The following PRR5 variants were observed in gnomAD, a reference collection of about 807,000 sequenced individuals.
PRR5 encodes proline-rich protein 5.
A neutral mutation model predicts 30.6 loss-of-function variants in PRR5; 25 were observed. The ratio of observed to expected loss-of-function variants is 0.82; its 90% CI spans 0.60 to 1.14. PRR5 has a LOEUF of 1.14. Among genes scored for constraint, PRR5 ranks in the 50% most tolerant of loss-of-function variants. The probability of loss-of-function intolerance (pLI) is 0.00; values close to 1 mark genes in which losing one functional copy is unlikely to be tolerated. For synonymous variants in PRR5, 286 were observed against 247.1 expected (o/e 1.16, Z -1.48); for missense variants, 600 against 547.1 (o/e 1.10, Z -0.96).
chr22:44,693,679 AG>A (rs1283897092), intron 1 of PRR5, among the ~76,000 whole-genome samples: 3 of 131,196 alleles, frequency 2.3e-5, no homozygotes, highest in Non-Finnish European at 3.1e-5. Context: ...GCTGGAGTGC[AG>A]GCTCAGTGGC....
chr22:44,693,489 C>T (rs1925464480), intron 1 of PRR5, among the ~76,000 whole-genome samples: 1 of 151,658 alleles, frequency 6.6e-6, no homozygotes, highest in African/African-American at 2.4e-5. Flanking sequence ...GCCAAGAATC[C>T]TTCAGCTTCT....
intron 1 of PRR5, among the ~76,000 whole-genome samples, chr22:44,678,503 TG>T (rs1337949091): frequency 1.3e-5 from 2 of 151,996 alleles, no homozygotes; most frequent in African/African-American, 4.8e-5. Context: ...TTAGTGGAGA[TG>T]GAGTTTCACC....
Position 44,729,613 on chromosome 22 carries a change from T to G in PRR5, c.323-2117T>G, listed in dbSNP as rs552578765. 4.0e-5 allele frequency: 39 copies of G among 985,442 alleles called. No homozygotes were observed. The African/African-American group carries it at 6.6e-4, about 17-fold the overall frequency. 61.0% of individuals were successfully genotyped at this position (985,442 alleles called of 1,614,324 possible). On this transcript the variant is annotated intron_variant, in intron 4 of 7. Coordinates refer to ENST00000336985, the MANE Select transcript of PRR5 (RefSeq NM_181333.4). ...TGCCACTGAGTCCGCCTGGAGGAAC[T>G]TCCTGGGGTCGCCCCATACCTGCCT...
chr22:44,730,861 C>T (rs1250557986), intron 4 of PRR5: 1 of 449,738 alleles, frequency 2.2e-6, no homozygotes, highest in East Asian at 8.1e-5. Context: ...GGCTCAGCCT[C>T]TGTCTGCTTG....
chr22:44,716,283 T>G (rs878955419), intron 2 of PRR5, among the ~76,000 whole-genome samples: 1 of 152,240 alleles, frequency 6.6e-6, no homozygotes, highest in Admixed American at 6.5e-5. Flanking sequence ...GGGCAACTTC[T>G]TTTTAGTCAG....
chr22:44,669,988 C>T (rs1923331978), intron 1 of PRR5, among the ~76,000 whole-genome samples: 1 of 152,150 alleles, frequency 6.6e-6, no homozygotes, highest in African/African-American at 2.4e-5. Context: ...TCCTTGATGA[C>T]AGTGCTTGAT....
intron 1 of PRR5, among the ~76,000 whole-genome samples, chr22:44,681,736 G>GCCAACAT (rs1924308968): frequency 6.6e-6 from 1 of 152,220 alleles, no homozygotes; most frequent in Non-Finnish European, 1.5e-5. Flanking sequence ...GGCCCTGCTG[G>GCCAACAT]GAAAGAGCAG....
chr22:44,674,998 C>T (rs1202626715), upstream of PRR5, among the ~76,000 whole-genome samples: 8 of 146,330 alleles, frequency 5.5e-5, no homozygotes, highest in Non-Finnish European at 1.2e-4. Context: ...CCTGTAATCC[C>T]AGCACTTTGG....
intron 2 of PRR5, among the ~76,000 whole-genome samples, chr22:44,723,560 A>C (rs1008097170): frequency 5.9e-5 from 9 of 151,898 alleles, no homozygotes; most frequent in African/African-American, 2.2e-4. Context: ...TCTCTACTAA[A>C]AATACAAAAA....
upstream of PRR5, among the ~76,000 whole-genome samples, chr22:44,674,017 G>C (rs1189558496): frequency 6.6e-6 from 1 of 152,218 alleles, no homozygotes; most frequent in African/African-American, 2.4e-5. Flanking sequence ...AACGGGCTCT[G>C]ATTCTGCCTG....
intron 2 of PRR5, 148 bp downstream of exon 2, chr22:44,714,819 C>T: frequency 1.7e-6 from 2 of 1,147,482 alleles, no homozygotes; most frequent in Non-Finnish European, 2.4e-6. Context: ...GAGCGAGGCC[C>T]AAGTTAGCAG....
At chr22:44,722,834 C>CG (rs1930140207) in intron 2 of PRR5, among the ~76,000 whole-genome samples, 1 of 151,908 alleles carries the variant, frequency 6.6e-6, no homozygotes, top group African/African-American at 2.4e-5. Flanking sequence ...CTTATTTGGG[C>CG]TTTTTTTTCC....
chr22:44,683,990 G>T lies in PRR5; in HGVS notation c.-11+6750G>T, dbSNP rs1924518690. ...CCCCTCGCAGGGGTTGGTTTCATTGGCTTTGACTGCAGCGACAGGTAGGGT... is the reference window on the plus strand; with the variant it reads ...CCCCTCGCAGGGGTTGGTTTCATTGTCTTTGACTGCAGCGACAGGTAGGGT... On this transcript the variant is annotated intron_variant, in intron 1 of 8. Transcript: ENST00000006251. Among the ~76,000 whole-genome samples the T allele has an allele frequency of 2.0e-5, 3 of 152,256 alleles. No individual in the cohort carries two copies. The South Asian group carries it at 6.2e-4, about 31-fold the overall frequency.
At chr22:44,706,270 C>T (rs1197888109) in intron 1 of PRR5, among the ~76,000 whole-genome samples, 2 of 152,184 alleles carry the variant, frequency 1.3e-5, no homozygotes, top group African/African-American at 4.8e-5. Flanking sequence ...TTGATTCATT[C>T]ATTCATTCGT....
intron 2 of PRR5, among the ~76,000 whole-genome samples, chr22:44,718,294 A>C (rs1445635219): frequency 7.0e-6 from 1 of 143,338 alleles, no homozygotes; most frequent in Non-Finnish European, 1.5e-5. Context: ...TCCCGGGTTC[A>C]AGCGATTCTT....
upstream of PRR5, among the ~76,000 whole-genome samples, chr22:44,672,122 T>TA (rs1224452650): frequency 6.6e-6 from 1 of 152,172 alleles, no homozygotes; most frequent in Non-Finnish European, 1.5e-5. Context: ...ATGAGATAAA[T>TA]ACAGTGCTCA....
chr22:44,698,633 G>A (rs1013854525), upstream of PRR5, among the ~76,000 whole-genome samples: 6 of 152,202 alleles, frequency 3.9e-5, no homozygotes, highest in African/African-American at 1.4e-4. Context: ...CCTTGTGCCT[G>A]CTGGCAGGGG....
intron 1 of PRR5, 105 bp downstream of exon 1, chr22:44,702,713 AGG>A: frequency 4.1e-6 from 5 of 1,218,804 alleles, no homozygotes; most frequent in Non-Finnish European, 5.1e-6. Context: ...ACGCTGCCGA[AGG>A]CGGCGCGGCG....
At position 44,737,044 on chromosome 22, in the gene PRR5, C is replaced by T; in HGVS notation, c.964C>T (p.Leu322=). The T allele has an allele frequency of 1.2e-6, 2 of 1,606,948 alleles. No individual in the cohort carries two copies. Among genetic ancestry groups the T allele is most frequent in the Non-Finnish European group, 1.7e-6 (2 of 1,177,434 alleles). Residue 322 remains leucine, a synonymous_variant, in exon 8 of 8, where the codon CTG becomes TTG. Transcript: ENST00000336985. The part of the protein sequence containing the change: ...APHSGPCPSR[L]YPTTQPPEQG... ...CCACTCAGGGCCCTGCCCCAGCAGA[C>T]TGTACCCCACGACCCAGCCCCCTGA... is the stretch of plus-strand genomic sequence containing the variant.
Sources: allele counts gnomAD v4.1 joint callset (sites outside exome capture counted in the v4.1 genomes callset), GRCh38; gene constraint gnomAD v4.1.1; transcripts MANE v1.5; gene names NCBI Gene and HGNC (gene_info 2026-07-23, HGNC 2026-07-21).